The following STAMBP variants were observed in gnomAD, a reference collection of about 807,000 sequenced individuals.
STAMBP encodes STAM binding protein.
In STAMBP, 31 loss-of-function variants were observed where a neutral mutation model predicts 50.7. The ratio of observed to expected loss-of-function variants is 0.61; its 90% CI spans 0.46 to 0.83. The LOEUF is 0.83. Among genes scored for constraint, STAMBP ranks in the 40% least tolerant of loss-of-function variants. The probability of loss-of-function intolerance (pLI) is 0.00; values close to 1 mark genes in which losing one functional copy is unlikely to be tolerated. For synonymous variants in STAMBP, 211 were observed against 192.4 expected (o/e 1.10, Z -0.80); for missense variants, 472 against 518.9 (o/e 0.91, Z 0.88).
chr2:73,869,495 A>G (rs1183271437), downstream of STAMBP, among the ~76,000 whole-genome samples: 1 of 152,226 alleles, frequency 6.6e-6, no homozygotes, highest in Admixed American at 6.5e-5. Context: ...GCTAAAAAGT[A>G]TCATTTTTTA....
chr2:73,843,208 T>TC (rs11438986), intron 2 of STAMBP, among the ~76,000 whole-genome samples: 13 of 147,200 alleles, frequency 8.8e-5, no homozygotes, highest in African/African-American at 2.5e-4. Context: ...TTTTTTTTTT[T>TC]CCAAATAGAG....
Position 73,847,624 on chromosome 2 carries a change from T to G in STAMBP, c.613T>G (p.Leu205Val). The change falls in exon 5 of 10, where the codon TTA (leucine) becomes GTA (valine). Residue 205 changes from leucine (L) to valine (V), a missense_variant. Leu to Val is a conservative substitution (Grantham distance 32, BLOSUM62 1). Coordinates refer to ENST00000394070, the MANE Select transcript of STAMBP (RefSeq NM_213622.4). ...AGTGCCTGACTTGGAGAAGCCCTCC[T>G]TAGATGTGTTCCCCACCTTAACAGT... ...PLVPDLEKPS[L>V]DVFPTLTVSS... 1.2e-6 allele frequency: 2 copies of G among 1,614,224 alleles called. 1 individual carries two copies. The highest frequency in any genetic ancestry group is 2.2e-5 in the South Asian group (2 of 91,086).
rs1039120264 is a variant in STAMBP at position 73,850,990 on chromosome 2, T to C, written c.1005+477T>C. Among the ~76,000 whole-genome samples the C allele has an allele frequency of 6.6e-6, 1 of 152,252 alleles. No individual in the cohort carries two copies. Among genetic ancestry groups the C allele is most frequent in the Non-Finnish European group, 1.5e-5 (1 of 68,038 alleles). ...TAAATACACATGATTTTCAAGTGTC[T>C]GCATATCTTGTGCAGCCTTCTGGTA... On this transcript the variant is annotated intron_variant, in intron 7 of 9. Transcript: ENST00000394070. This position sits in a 1 kb window ranked among gnomAD's most constrained non-coding sequence, Gnocchi z 4.3.
intron 2 of STAMBP, 149 bp downstream of exon 2, chr2:73,831,208 C>A: frequency 1.5e-6 from 1 of 651,270 alleles, no homozygotes. Context: ...CCTTGCCGTT[C>A]AAAGACATGA....
intron 2 of STAMBP, among the ~76,000 whole-genome samples, chr2:73,837,832 G>T (rs1171013262): frequency 1.3e-5 from 2 of 152,074 alleles, no homozygotes; most frequent in Non-Finnish European, 2.9e-5. Flanking sequence ...GAGAAGAGAA[G>T]GAGCCTAGGA....
chr2:73,869,675 T>C, downstream of STAMBP, among the ~76,000 whole-genome samples: 1 of 151,990 alleles, frequency 6.6e-6, no homozygotes, highest in East Asian at 1.9e-4. Context: ...TGTATACATA[T>C]GGAACAAACC....
intron 2 of STAMBP, among the ~76,000 whole-genome samples, chr2:73,843,747 C>G (rs150136845): frequency 6.6e-6 from 1 of 152,290 alleles, no homozygotes; most frequent in Non-Finnish European, 1.5e-5. Flanking sequence ...TGGGGATCAT[C>G]TTTTTTCTTT....
chr2:73,858,764 C>T (rs957476898), intron 7 of STAMBP, among the ~76,000 whole-genome samples: 1 of 152,170 alleles, frequency 6.6e-6, no homozygotes, highest in African/African-American at 2.4e-5. Context: ...TATTAGGAAC[C>T]TCAGGTGGAC....
chr2:73,869,990 A>C (rs1679138468), downstream of STAMBP, among the ~76,000 whole-genome samples: 1 of 152,216 alleles, frequency 6.6e-6, no homozygotes, highest in South Asian at 2.1e-4. Flanking sequence ...GAAGTACCTA[A>C]AAATATTAAT....
In STAMBP at chr2:73,849,460, G is replaced by A; in HGVS notation, c.840G>A (p.Glu280=). 1 of 1,609,600 alleles carries A rather than the reference G, an allele frequency of 6.2e-7. No individual in the cohort carries two copies. Among genetic ancestry groups the A allele is most frequent in the East Asian group, 2.2e-5 (1 of 44,718 alleles). The change falls in exon 6 of 10, where the codon GAG becomes GAA. Residue 280 remains glutamate (E), a synonymous_variant. Coordinates refer to ENST00000394070, the MANE Select transcript of STAMBP (RefSeq NM_213622.4). ...GTGCCAACACTGCCCGGGGAGTGGA[G>A]ACATGTGGAATTCTCTGTGGAAAAC... is the stretch of plus-strand genomic sequence containing the variant. ...LASANTARGV[E]TCGILCGKLM...
At chr2:73,846,026 T>C (rs1426917889) in intron 4 of STAMBP, among the ~76,000 whole-genome samples, 3 of 152,206 alleles carry the variant, frequency 2.0e-5, no homozygotes, top group African/African-American at 7.2e-5. Flanking sequence ...TGTGAATACA[T>C]ACTGCAGCCA....
chr2:73,867,922 C>G (rs112703677), downstream of STAMBP, among the ~76,000 whole-genome samples: 19,927 of 151,876 alleles, frequency 0.13, 1,556 homozygotes, highest in East Asian at 0.3. Context: ...GTCAGGAGTT[C>G]AAGACCAGCG....
rs1263606076 is a variant in STAMBP at position 73,855,765 on chromosome 2, T to C, written c.1006-3489T>C. On this transcript the variant is annotated intron_variant, in intron 7 of 9. Transcript: ENST00000394070. ...TCACAGCACCCTGTGGAATGGTGCTTCTCAGATGAGGCTGCACATAAGAAT... is the reference window on the plus strand; with the variant it reads ...TCACAGCACCCTGTGGAATGGTGCTCCTCAGATGAGGCTGCACATAAGAAT... 4 of 449,710 alleles carry C rather than the reference T, an allele frequency of 8.9e-6. No individual in the cohort carries two copies. In the Admixed American group the frequency reaches 9.7e-5, roughly 11 times the overall value. 27.9% of individuals were successfully genotyped at this position (449,710 alleles called of 1,614,324 possible).
rs183213915 is a variant in STAMBP at position 73,854,876 on chromosome 2, C to T, written c.1005+4363C>T. ...TGGTGGCACACGCCTGTGGTCCCAG[C>T]TACTTGGGAGGCTGAGGCAGGAAGA... On this transcript the variant is annotated intron_variant, in intron 7 of 9. Coordinates refer to ENST00000394070, the MANE Select transcript of STAMBP (RefSeq NM_213622.4). Among the ~76,000 whole-genome samples the T allele has an allele frequency of 2.2e-4, 33 of 152,170 alleles. No homozygotes were observed. The East Asian group carries it at 6.4e-3, about 29-fold the overall frequency.
chr2:73,844,915 A>G (rs1412977073), intron 3 of STAMBP, 27 bp downstream of exon 3: 2 of 1,611,452 alleles, frequency 1.2e-6, no homozygotes, highest in African/African-American at 2.7e-5. Flanking sequence ...ATTGTTGCCC[A>G]TCTAAAAGCT....
intron 2 of STAMBP, among the ~76,000 whole-genome samples, chr2:73,842,068 T>C (rs1285975693): frequency 2.6e-5 from 4 of 152,204 alleles, no homozygotes; most frequent in African/African-American, 9.7e-5. Flanking sequence ...CACCTACTCT[T>C]ATCTGTTCTA....
intron 7 of STAMBP, among the ~76,000 whole-genome samples, chr2:73,858,886 TC>T (rs1047216080): frequency 9.9e-5 from 15 of 151,238 alleles, no homozygotes; most frequent in Admixed American, 8.6e-4. Context: ...GTCAGAGTAG[TC>T]CCCCCCTTAT....
chr2:73,867,931 C>T (rs751189634), downstream of STAMBP, among the ~76,000 whole-genome samples: 5 of 151,908 alleles, frequency 3.3e-5, no homozygotes, highest in African/African-American at 4.8e-5. Context: ...TCAAGACCAG[C>T]GTGACAAACA....
intron 2 of STAMBP, among the ~76,000 whole-genome samples, chr2:73,836,878 G>A (rs1674778235): frequency 1.3e-5 from 2 of 152,204 alleles, no homozygotes; most frequent in Non-Finnish European, 2.9e-5. Flanking sequence ...CTTAGGCCTG[G>A]CCTGCTGCCC....
Sources: allele counts gnomAD v4.1 joint callset (sites outside exome capture counted in the v4.1 genomes callset), GRCh38; gene constraint gnomAD v4.1.1; non-coding constraint Gnocchi (gnomAD v3.1); transcripts MANE v1.5; gene names NCBI Gene and HGNC (gene_info 2026-07-23, HGNC 2026-07-21).